The following LGALS9 variants were observed in gnomAD, a reference collection of about 807,000 sequenced individuals.
The protein encoded by LGALS9 is galectin 9.
Under a neutral mutation model 35.9 loss-of-function variants are expected in LGALS9, and 26 were observed. The ratio of observed to expected loss-of-function variants is 0.72; its 90% CI spans 0.53 to 1.01. LGALS9 has a LOEUF of 1.01. Among genes scored for constraint, LGALS9 ranks in the 50% least tolerant of loss-of-function variants. The pLI is 0.00. For synonymous variants in LGALS9, 149 were observed against 172.2 expected, an observed-to-expected ratio of 0.87 and a Z score of 1.06; for missense variants, 347 against 445.8, an observed-to-expected ratio of 0.78 and a Z score of 1.99.
rs1166327646 is a variant in LGALS9, at chr17:27,647,096, A to G, written c.736A>G (p.Thr246Ala). The change falls in exon 9 of 11, where the codon ACT (threonine) becomes GCT (alanine). Residue 246 changes from threonine to alanine, a missense_variant. Coordinates refer to ENST00000395473, the MANE Select transcript of LGALS9 (RefSeq NM_009587.3). Reference protein sequence around the residue: ...YPSKSILLSGTVLPSAQRFHI... With the variant: ...YPSKSILLSGAVLPSAQRFHI... The stretch of plus-strand genomic sequence containing the variant: ...ATCCAAGTCCATCCTCCTGTCAGGC[A>G]CTGTCCTGCCCAGTGCTCAGAGGTA... The G allele has an allele frequency of 6.2e-7, 1 of 1,614,148 alleles. No individual in the cohort carries two copies. Among genetic ancestry groups the G allele is most frequent in the Non-Finnish European group, 8.5e-7 (1 of 1,180,028 alleles).
At position 27,649,027 on chromosome 17, in the gene LGALS9, C is replaced by T. The variant is rs1222511036; in HGVS notation, c.*45C>T. 1 of 1,612,482 alleles carries T rather than the reference C, an allele frequency of 6.2e-7. No individual in the cohort carries two copies. Among genetic ancestry groups the T allele is most frequent in the Admixed American group, 1.7e-5 (1 of 59,960 alleles). ...GCCGGGGGCTGGGGTGTGGGGCAGTCTGGGTCCTCTCATCATCCCCACTTC... is the reference window on the plus strand; with the variant it reads ...GCCGGGGGCTGGGGTGTGGGGCAGTTTGGGTCCTCTCATCATCCCCACTTC... On this transcript the variant is annotated 3_prime_UTR_variant, in exon 11 of 11. Coordinates refer to ENST00000395473, the MANE Select transcript of LGALS9 (RefSeq NM_009587.3).
At chr17:27,631,374 C>A in intron 1 of LGALS9, 70 bp downstream of exon 1, 3 of 1,599,678 alleles carry the variant, frequency 1.9e-6, no homozygotes, top group Non-Finnish European at 2.6e-6. Context: ...TCTGAGGAAG[C>A]AACTCCTGGG....
In LGALS9 at chr17:27,640,854, A is replaced by C. The variant is rs1372248085; in HGVS notation, c.333+81A>C. ...TGAATGGCCTTTAAGTAATCACCTA[A>C]ATTGACATTCAGCCAGAGTGACACC... On this transcript the variant is annotated intron_variant, in intron 3 of 10. Transcript: ENST00000395473. The C allele has an allele frequency of 1.9e-6, 3 of 1,579,014 alleles. No individual in the cohort carries two copies. The African/African-American group carries it at 4.0e-5, about 21-fold the overall frequency.
At position 27,647,227 on chromosome 17, in the gene LGALS9, C is replaced by T. The variant is rs1281890610; in HGVS notation, c.759-43C>T. ...CTGATGATGGGGAGGAAATGGGACT[C>T]AGAATTCGGTGGATAAAGGTTCAGG... On this transcript the variant is annotated intron_variant, in intron 9 of 10. Coordinates refer to ENST00000395473, the MANE Select transcript of LGALS9 (RefSeq NM_009587.3). 1.9e-6 allele frequency: 3 copies of T among 1,613,398 alleles called. No individual in the cohort carries two copies. The East Asian group carries it at 6.7e-5, about 36-fold the overall frequency.
Position 27,640,788 on chromosome 17 carries a change from C to T in LGALS9, c.333+15C>T. ...CAGATTTCAAGGTGAGCAAGAATCC[C>T]CTCCCCACCTCTCACCCCTGGGACC... is the stretch of plus-strand genomic sequence containing the variant. On this transcript the variant is annotated intron_variant, in intron 3 of 10. Coordinates refer to ENST00000395473, the MANE Select transcript of LGALS9 (RefSeq NM_009587.3). The T allele has an allele frequency of 4.3e-6, 7 of 1,613,592 alleles. No individual in the cohort carries two copies. The highest frequency in any genetic ancestry group is 5.9e-6 in the Non-Finnish European group (7 of 1,179,684).
chr17:27,646,638 T>A (rs1187004775), intron 8 of LGALS9, 50 bp downstream of exon 8: 1 of 1,612,742 alleles, frequency 6.2e-7, no homozygotes, highest in Non-Finnish European at 8.5e-7. Flanking sequence ...GTGGGCAGGC[T>A]GGGGGTGAAG....
At chr17:27,634,806 G>T (rs541354645) in intron 1 of LGALS9, among the ~76,000 whole-genome samples, 1 of 152,282 alleles carries the variant, frequency 6.6e-6, no homozygotes, top group South Asian at 2.1e-4. Flanking sequence ...CCGGGGATTC[G>T]AATGTGGATG....
intron 10 of LGALS9, 88 bp from the exon 11 acceptor site, chr17:27,648,748 A>C (rs1190232899): frequency 2.7e-6 from 4 of 1,479,786 alleles, no homozygotes; most frequent in African/African-American, 2.2e-5. Flanking sequence ...CTGAGGAGGG[A>C]GGGAGGGTGG....
At position 27,647,406 on chromosome 17, in the gene LGALS9, C is replaced by T. The variant is rs564101015; in HGVS notation, c.895C>T (p.Pro299Ser). 3.7e-6 allele frequency: 6 copies of T among 1,614,150 alleles called. No homozygotes were observed. The highest frequency in any genetic ancestry group is 1.1e-5 in the South Asian group (1 of 91,082). ...SEERSLPRKM[P>S]FVRGQSFSVW... ...GGAGCGAAGTCTGCCCCGAAAAATG[C>T]CCTTCGTCCGTGGCCAGAGCTTCTC... Residue 299 changes from proline (P) to serine (S), a missense_variant, in exon 10 of 11, where the codon CCC becomes TCC. Physicochemically the swap from Pro to Ser is moderately conservative, Grantham distance 74. Coordinates refer to ENST00000395473, the MANE Select transcript of LGALS9 (RefSeq NM_009587.3).
At chr17:27,634,522 A>G (rs1327065546) in intron 1 of LGALS9, among the ~76,000 whole-genome samples, 1 of 152,202 alleles carries the variant, frequency 6.6e-6, no homozygotes. Flanking sequence ...AACACACTCC[A>G]GCCTGGCTGA....
At chr17:27,643,707 C>T in intron 5 of LGALS9, 87 bp downstream of exon 5, 1 of 1,491,040 alleles carries the variant, frequency 6.7e-7, no homozygotes, top group Non-Finnish European at 8.9e-7. Flanking sequence ...CAGCAGGCCA[C>T]TCAGGGCCTA....
At position 27,648,983 on chromosome 17, in the gene LGALS9, G is replaced by A. The variant is rs2151299813; in HGVS notation, c.*1G>A. On this transcript the variant is annotated 3_prime_UTR_variant, in exon 11 of 11. Transcript: ENST00000395473. ...CCAGCTGACCCATGTGCAGACATAG[G>A]CGGCTTCCTGGCCCTGGGGCCGGGG... 1 of 1,613,946 alleles carries A rather than the reference G, an allele frequency of 6.2e-7. No individual in the cohort carries two copies. The highest frequency in any genetic ancestry group is 8.5e-7 in the Non-Finnish European group (1 of 1,179,850).
chr17:27,645,557 G>A, intron 6 of LGALS9: 1 of 731,538 alleles, frequency 1.4e-6, no homozygotes, highest in Non-Finnish European at 2.2e-6. Context: ...GGCAGCCACG[G>A]AAGACCATGC....
intron 10 of LGALS9, among the ~76,000 whole-genome samples, chr17:27,648,472 AT>A (rs1905094202): frequency 9.6e-6 from 1 of 104,150 alleles, no homozygotes; most frequent in African/African-American, 2.9e-5. Flanking sequence ...AGGTTTTAAC[AT>A]TTGTACCCTG....
intron 1 of LGALS9, among the ~76,000 whole-genome samples, chr17:27,635,908 T>C (rs1343555315): frequency 1.3e-5 from 2 of 152,082 alleles, no homozygotes; most frequent in East Asian, 1.9e-4. Flanking sequence ...TCAGGCTGAC[T>C]CTCCTTCCCC....
At chr17:27,635,671 A>G (rs1383149002) in intron 1 of LGALS9, among the ~76,000 whole-genome samples, 1 of 151,956 alleles carries the variant, frequency 6.6e-6, no homozygotes, top group East Asian at 1.9e-4. Flanking sequence ...GCCCATGTCC[A>G]TCACGCTCTG....
At chr17:27,632,080 G>A (rs1044415246) in intron 1 of LGALS9, among the ~76,000 whole-genome samples, 4 of 152,080 alleles carry the variant, frequency 2.6e-5, no homozygotes, top group African/African-American at 9.7e-5. Context: ...AAAATCTGAG[G>A]CTCAGGGAGG....
intron 1 of LGALS9, among the ~76,000 whole-genome samples, chr17:27,636,893 G>A (rs2074458204): frequency 6.6e-6 from 1 of 152,056 alleles, no homozygotes; most frequent in Admixed American, 6.6e-5. Context: ...CCAATACTGG[G>A]CCCAGATGGC....
rs890056012 is a variant in LGALS9 at position 27,649,049 on chromosome 17, C to T, written c.*67C>T. The T allele has an allele frequency of 8.1e-6, 13 of 1,606,510 alleles. No individual in the cohort carries two copies. The African/African-American group carries it at 1.5e-4, about 18-fold the overall frequency. ...AGTCTGGGTCCTCTCATCATCCCCA[C>T]TTCCCAGGCCCAGCCTTTCCAACCC... On this transcript the variant is annotated 3_prime_UTR_variant, in exon 11 of 11. Transcript: ENST00000395473.
Sources: allele counts gnomAD v4.1 joint callset (sites outside exome capture counted in the v4.1 genomes callset), GRCh38; gene constraint gnomAD v4.1.1; transcripts MANE v1.5; gene names NCBI Gene and HGNC (gene_info 2026-07-23, HGNC 2026-07-21).